Variants in KCNMB2 observed in about 807,000 individuals in gnomAD.
KCNMB2 encodes the protein calcium-activated potassium channel subunit beta-2.
KCNMB2 carries 9 observed loss-of-function variants against 24.5 expected under a neutral mutation model. That is an observed-to-expected ratio of 0.37 (90% confidence interval 0.22 to 0.64). KCNMB2 has a LOEUF of 0.64. Among genes scored for constraint, KCNMB2 ranks in the 30% least tolerant of loss-of-function variants. KCNMB2 has a pLI of 0.63. For synonymous variants in KCNMB2, 109 were observed against 104.4 expected, an observed-to-expected ratio of 1.04 and a Z score of -0.27; for missense variants, 226 against 284.3, an observed-to-expected ratio of 0.79 and a Z score of 1.47.
chr3:178,597,739 C>T (rs1435262306), intron 1 of KCNMB2, among the ~76,000 whole-genome samples: 1 of 152,084 alleles, frequency 6.6e-6, no homozygotes, highest in Non-Finnish European at 1.5e-5. Context: ...TGATGTGCTC[C>T]TCACCATTCA....
chr3:178,592,611 T>C (rs144223046), intron 1 of KCNMB2, among the ~76,000 whole-genome samples: 2 of 152,278 alleles, frequency 1.3e-5, no homozygotes, highest in Non-Finnish European at 2.9e-5. Context: ...GAGATGTTGA[T>C]AGAGAAGTAG....
intron 1 of KCNMB2, among the ~76,000 whole-genome samples, chr3:178,597,917 T>TA (rs1253747094): frequency 6.6e-6 from 1 of 151,952 alleles, no homozygotes; most frequent in Non-Finnish European, 1.5e-5. Flanking sequence ...TCTCAAAAGT[T>TA]AAAAAATTGG....
intron 1 of KCNMB2, among the ~76,000 whole-genome samples, chr3:178,556,973 G>A (rs539209598): frequency 7.9e-4 from 121 of 152,292 alleles, no homozygotes; most frequent in African/African-American, 2.8e-3. Context: ...TAGCTTGAGG[G>A]ACAAGGGAAG....
intron 1 of KCNMB2, among the ~76,000 whole-genome samples, chr3:178,631,830 G>A (rs889783686): frequency 3.3e-5 from 5 of 152,114 alleles, no homozygotes; most frequent in South Asian, 2.1e-4. Context: ...AGCCACAGAA[G>A]CATACCTAGC....
In KCNMB2 at chr3:178,582,339, C is replaced by T. The variant is rs539419674; in HGVS notation, c.-68+45628C>T. Among the ~76,000 whole-genome samples the T allele has an allele frequency of 3.9e-5, 6 of 152,218 alleles. No individual in the cohort carries two copies. In the South Asian group the frequency reaches 6.2e-4, roughly 16 times the overall value. On this transcript the variant is annotated intron_variant, in intron 1 of 4. Coordinates refer to ENST00000452583, the MANE Select transcript of KCNMB2 (RefSeq NM_181361.3). ...AGAACACGTTGACACAGGGAGAGAA[C>T]ATCACACACCAGGGCCTGTGGCGGG...
intron 1 of KCNMB2, among the ~76,000 whole-genome samples, chr3:178,736,562 G>A (rs775340565): frequency 4.6e-5 from 7 of 152,112 alleles, no homozygotes; most frequent in South Asian, 2.1e-4. Flanking sequence ...CTCTGCCCAC[G>A]CTGTAACCGG....
chr3:178,727,595 AG>A (rs1218533311), intron 1 of KCNMB2, among the ~76,000 whole-genome samples: 2 of 152,180 alleles, frequency 1.3e-5, no homozygotes, highest in African/African-American at 4.8e-5. Flanking sequence ...GACATGACTA[AG>A]GAAGAAAAGT....
At chr3:178,767,718 G>A (rs757149945) in intron 1 of KCNMB2, among the ~76,000 whole-genome samples, 2 of 152,166 alleles carry the variant, frequency 1.3e-5, no homozygotes, top group Non-Finnish European at 2.9e-5. Context: ...GACTATTTGA[G>A]GTCAGATGCC....
chr3:178,810,752 T>G (rs1306880235), intron 2 of KCNMB2, among the ~76,000 whole-genome samples: 4 of 152,120 alleles, frequency 2.6e-5, no homozygotes, highest in Non-Finnish European at 5.9e-5. Flanking sequence ...TCATTTTTTT[T>G]GAGATGGAGT....
At position 178,692,738 on chromosome 3, in the gene KCNMB2, G is replaced by A. The variant is rs73045991; in HGVS notation, c.-67-114605G>A. Among the ~76,000 whole-genome samples the A allele has an allele frequency of 1.7e-3, 252 of 152,064 alleles. 1 individual carries two copies. Among genetic ancestry groups the A allele is most frequent in the African/African-American group, 5.8e-3 (241 of 41,508 alleles). On this transcript the variant is annotated intron_variant, in intron 1 of 4. Coordinates refer to ENST00000452583, the MANE Select transcript of KCNMB2 (RefSeq NM_181361.3). Reference sequence around the variant, plus strand: ...TGTCAGCTGTTTGGGCTTTTGTTGTGTTTTGTTTTATATAAAGTTTAAAAT... The same window carrying A: ...TGTCAGCTGTTTGGGCTTTTGTTGTATTTTGTTTTATATAAAGTTTAAAAT...
At chr3:178,770,116 C>T (rs554918354) in intron 1 of KCNMB2, among the ~76,000 whole-genome samples, 1 of 152,318 alleles carries the variant, frequency 6.6e-6, no homozygotes, top group Admixed American at 6.5e-5. Context: ...AGGGCTGTTT[C>T]TGCATAATTT....
intron 1 of KCNMB2, among the ~76,000 whole-genome samples, chr3:178,721,115 G>A (rs371148002): frequency 0.012 from 1,885 of 152,228 alleles, 41 homozygotes; most frequent in South Asian, 0.1. Context: ...TAGGTCTAAC[G>A]TTTAAGTCTT....
chr3:178,829,138 G>A (rs1714955876), intron 4 of KCNMB2, among the ~76,000 whole-genome samples: 1 of 152,056 alleles, frequency 6.6e-6, no homozygotes, highest in Non-Finnish European at 1.5e-5. Context: ...GAACCAACTT[G>A]CCATTACAAT....
intron 1 of KCNMB2, among the ~76,000 whole-genome samples, chr3:178,589,477 G>T (rs966426634): frequency 6.6e-6 from 1 of 151,768 alleles, no homozygotes; most frequent in African/African-American, 2.4e-5. Context: ...TGTTTTTTTT[G>T]TTGTTGTTTG....
intron 1 of KCNMB2, among the ~76,000 whole-genome samples, chr3:178,715,145 G>A (rs374035541): frequency 2.6e-5 from 4 of 152,230 alleles, no homozygotes; most frequent in South Asian, 2.1e-4. Flanking sequence ...CTGTGTTCCC[G>A]AGAGCTTTGT....
In KCNMB2 at chr3:178,666,122, G is replaced by A. The variant is rs556835882; in HGVS notation, c.-68+129411G>A. 1.4e-3 allele frequency among the ~76,000 whole-genome samples: 218 copies of A among 152,140 alleles called. 4 individuals are homozygous for A. Among genetic ancestry groups the A allele is most frequent in the African/African-American group, 5.1e-3 (212 of 41,536 alleles). ...GAAGTAGGTGTAAATGTTCTGAAAA[G>A]GTTACTTAAAACATGGTTTGTGAAC... On this transcript the variant is annotated intron_variant, in intron 1 of 4. Coordinates refer to ENST00000452583, the MANE Select transcript of KCNMB2 (RefSeq NM_181361.3).
At chr3:178,608,053 T>C (rs928663394) in intron 1 of KCNMB2, among the ~76,000 whole-genome samples, 7 of 152,074 alleles carry the variant, frequency 4.6e-5, no homozygotes, top group African/African-American at 1.2e-4. Flanking sequence ...GAAATATACA[T>C]GAGAGGAAGT....
intron 1 of KCNMB2, among the ~76,000 whole-genome samples, chr3:178,763,106 G>T (rs932979780): frequency 6.6e-6 from 1 of 152,150 alleles, no homozygotes; most frequent in Non-Finnish European, 1.5e-5. Flanking sequence ...GGTGGAAAAG[G>T]CAAGCTATCA....
Position 178,758,584 on chromosome 3 carries a change from A to C in KCNMB2, c.-67-48759A>C, listed in dbSNP as rs192049655. On this transcript the variant is annotated intron_variant, in intron 1 of 4. Transcript: ENST00000452583. ...GAGATATATATATATATATATATAT[A>C]TCCAAGAGGAGATATATATATCTCC... Among the ~76,000 whole-genome samples the C allele has an allele frequency of 3.4e-3, 127 of 37,182 alleles. 4 individuals carry two copies. Among genetic ancestry groups the C allele is most frequent in the East Asian group, 5.0e-3 (6 of 1,210 alleles). 24.4% of individuals were successfully genotyped at this position (37,182 alleles called of 152,430 possible). A position where few individuals can be genotyped will look rare whatever the true frequency, so the allele number is the denominator to read the frequency against.
Sources: allele counts gnomAD v4.1 joint callset (sites outside exome capture counted in the v4.1 genomes callset), GRCh38; gene constraint gnomAD v4.1.1; transcripts MANE v1.5; gene names NCBI Gene and HGNC (gene_info 2026-07-23, HGNC 2026-07-21).